Variants in DNAJC6 observed in about 807,000 individuals in gnomAD.
DNAJC6 encodes the protein auxilin.
DNAJC6 carries 34 observed loss-of-function variants against 110.0 expected under a neutral mutation model. The ratio of observed to expected loss-of-function variants is 0.31; its 90% CI spans 0.24 to 0.41. The LOEUF is 0.41. Ranked by LOEUF, DNAJC6 falls within the 10% of genes least tolerant of loss-of-function variation. The probability of loss-of-function intolerance (pLI) is 1.00; values close to 1 mark genes in which losing one functional copy is unlikely to be tolerated. For missense variants in DNAJC6, 1,031 were observed against 1,207.8 expected (o/e 0.85, Z 2.17); for synonymous variants, 406 against 437.2 (o/e 0.93, Z 0.89).
At chr1:65,346,387 ATT>A (rs5774750) in intron 1 of DNAJC6, among the ~76,000 whole-genome samples, 92,940 of 151,124 alleles carry the variant, frequency 0.61, 29,603 homozygotes, top group African/African-American at 0.79. Context: ...CTGATAATCC[ATT>A]TTTTTTTTGT....
At chr1:65,319,512 C>G (rs963537673) in intron 1 of DNAJC6, among the ~76,000 whole-genome samples, 1 of 152,142 alleles carries the variant, frequency 6.6e-6, no homozygotes, top group Non-Finnish European at 1.5e-5. Context: ...TGGGAGAGCC[C>G]TAGACTCTGG....
At chr1:65,386,008 T>C in intron 7 of DNAJC6, 102 bp downstream of exon 7, 1 of 1,139,336 alleles carries the variant, frequency 8.8e-7, no homozygotes, top group Non-Finnish European at 1.2e-6. Context: ...TATATCATTG[T>C]GAAATAGCTG....
At chr1:65,359,198 C>A (rs1293619939) in intron 1 of DNAJC6, among the ~76,000 whole-genome samples, 4 of 152,092 alleles carry the variant, frequency 2.6e-5, no homozygotes, top group Admixed American at 2.0e-4. Flanking sequence ...AAGCTCGATA[C>A]AAATAAATGA....
chr1:65,331,696 A>G (rs1271066175), intron 1 of DNAJC6, among the ~76,000 whole-genome samples: 2 of 152,220 alleles, frequency 1.3e-5, no homozygotes, highest in African/African-American at 2.4e-5. Context: ...ATGTTGTTTA[A>G]GATAGGTTAT....
intron 1 of DNAJC6, among the ~76,000 whole-genome samples, chr1:65,304,164 AAC>A (rs951961823): frequency 6.6e-6 from 1 of 152,152 alleles, no homozygotes; most frequent in Non-Finnish European, 1.5e-5. Flanking sequence ...GCATCAAGGA[AAC>A]ACAGGTTTCA....
At chr1:65,336,360 C>T (rs566197575) in intron 1 of DNAJC6, among the ~76,000 whole-genome samples, 1 of 152,296 alleles carries the variant, frequency 6.6e-6, no homozygotes, top group South Asian at 2.1e-4. Flanking sequence ...TCCCACAACA[C>T]ATGGGGATTA....
intron 14 of DNAJC6, among the ~76,000 whole-genome samples, chr1:65,400,406 A>C (rs1646019698): frequency 6.6e-6 from 1 of 152,230 alleles, no homozygotes; most frequent in Non-Finnish European, 1.5e-5. Context: ...ACTATGCTGT[A>C]CAATGGATCT....
At chr1:65,408,405 A>C (rs1410447366) in intron 16 of DNAJC6, among the ~76,000 whole-genome samples, 1 of 152,200 alleles carries the variant, frequency 6.6e-6, no homozygotes, top group Admixed American at 6.5e-5. Context: ...ATTTGGCTTC[A>C]TGATCCAGCC....
chr1:65,328,139 A>G (rs1645257495), intron 1 of DNAJC6, among the ~76,000 whole-genome samples: 1 of 152,256 alleles, frequency 6.6e-6, no homozygotes, highest in Non-Finnish European at 1.5e-5. Context: ...GTATTTACAT[A>G]GGAAAATTAT....
intron 1 of DNAJC6, among the ~76,000 whole-genome samples, chr1:65,360,831 A>G (rs931130578): frequency 1.3e-5 from 2 of 152,030 alleles, no homozygotes; most frequent in African/African-American, 4.8e-5. Context: ...AATGAGATTG[A>G]CTTGGTTTGC....
At chr1:65,273,829 C>G (rs1653582275) in intron 1 of DNAJC6, among the ~76,000 whole-genome samples, 1 of 151,972 alleles carries the variant, frequency 6.6e-6, no homozygotes, top group African/African-American at 2.4e-5. Context: ...TCACTGTAGT[C>G]AGAGAATATA....
chr1:65,277,359 A>G (rs1653705277), intron 1 of DNAJC6, among the ~76,000 whole-genome samples: 1 of 152,204 alleles, frequency 6.6e-6, no homozygotes, highest in Non-Finnish European at 1.5e-5. Flanking sequence ...TATGTGTACT[A>G]AAAGACTATA....
At chr1:65,368,721 T>TCCTCTTCTTCTTCTC (rs1645675699) in intron 4 of DNAJC6, among the ~76,000 whole-genome samples, 1 of 110,366 alleles carries the variant, frequency 9.1e-6, no homozygotes, top group African/African-American at 3.8e-5. Flanking sequence ...TTCTTCCTCT[T>TCCTCTTCTTCTTCTC]CTTCTTCTTC....
At chr1:65,402,173 G>A (rs1362897044) in intron 15 of DNAJC6, among the ~76,000 whole-genome samples, 2 of 152,204 alleles carry the variant, frequency 1.3e-5, no homozygotes, top group Non-Finnish European at 2.9e-5. Context: ...GTTTGGCTGC[G>A]CAAAAGTAAT....
At chr1:65,359,757 A>G (rs1645580507) in intron 1 of DNAJC6, among the ~76,000 whole-genome samples, 1 of 152,226 alleles carries the variant, frequency 6.6e-6, no homozygotes, top group Admixed American at 6.5e-5. Flanking sequence ...TAAATGCTTT[A>G]GACTTTGTGG....
At chr1:65,412,781 A>T in intron 18 of DNAJC6, 143 bp from the exon 19 acceptor site, 5 of 713,380 alleles carry the variant, frequency 7.0e-6, no homozygotes. Context: ...TGGGTCAGAT[A>T]TAGTAGATTA....
At chr1:65,372,735 C>T (rs547356869) in intron 4 of DNAJC6, among the ~76,000 whole-genome samples, 242 of 152,066 alleles carry the variant, frequency 1.6e-3, no homozygotes, top group African/African-American at 5.5e-3. Context: ...TGTTGTTCTA[C>T]TGAAAAAAGC....
At chr1:65,388,831 C>T (rs552400922) in intron 9 of DNAJC6, among the ~76,000 whole-genome samples, 1 of 152,274 alleles carries the variant, frequency 6.6e-6, no homozygotes, top group African/African-American at 2.4e-5. Flanking sequence ...CCTTTCTGCA[C>T]CGACATTAAC....
At chr1:65,333,179 TC>T (rs1430539003) in intron 1 of DNAJC6, among the ~76,000 whole-genome samples, 1 of 152,152 alleles carries the variant, frequency 6.6e-6, no homozygotes, top group Non-Finnish European at 1.5e-5. Flanking sequence ...AACAACACTA[TC>T]CCCCAAATTA....
Sources: allele counts gnomAD v4.1 joint callset (sites outside exome capture counted in the v4.1 genomes callset), GRCh38; gene constraint gnomAD v4.1.1; transcripts MANE v1.5; gene names NCBI Gene and HGNC (gene_info 2026-07-23, HGNC 2026-07-21).